The following SCP2 variants were observed in gnomAD, a reference collection of about 807,000 sequenced individuals.
The protein encoded by SCP2 is sterol carrier protein 2, also known as SCP-2/3-oxoacyl-CoA thiolase.
SCP2 carries 48 observed loss-of-function variants against 71.4 expected under a neutral mutation model. The ratio of observed to expected loss-of-function variants is 0.67; its 90% CI spans 0.53 to 0.86. The LOEUF (loss-of-function observed/expected upper bound fraction) is 0.86. SCP2 is among the 40% of genes least tolerant of loss of function. The pLI is 0.00. For synonymous variants in SCP2, 220 were observed against 218.1 expected, an observed-to-expected ratio of 1.01 and a Z score of -0.08; for missense variants, 560 against 655.6, an observed-to-expected ratio of 0.85 and a Z score of 1.59.
chr1:53,036,019 CAAAAAAAA>C (rs35164089), intron 13 of SCP2, among the ~76,000 whole-genome samples: 2 of 63,292 alleles, frequency 3.2e-5, no homozygotes, highest in African/African-American at 5.1e-5. Context: ...GACTCCGTCT[CAAAAAAAA>C]AAAAAAAAAA....
At chr1:52,966,256 A>G (rs1269344955) in intron 6 of SCP2, among the ~76,000 whole-genome samples, 1 of 151,708 alleles carries the variant, frequency 6.6e-6, no homozygotes, top group Non-Finnish European at 1.5e-5. Context: ...TATATCTATT[A>G]TATGTTGAAA....
intron 11 of SCP2, among the ~76,000 whole-genome samples, chr1:53,002,363 G>A (rs1183505116): frequency 4.6e-5 from 7 of 152,174 alleles, no homozygotes; most frequent in Admixed American, 3.9e-4. Flanking sequence ...AACGTGGCAT[G>A]GAGCAAAGGG....
intron 2 of SCP2, among the ~76,000 whole-genome samples, chr1:52,946,976 A>T (rs929815374): frequency 6.7e-6 from 1 of 149,184 alleles, no homozygotes; most frequent in Non-Finnish European, 1.5e-5. Context: ...CAGGAGAATC[A>T]CTTGAACCTG....
At position 53,005,616 on chromosome 1, in the gene SCP2, C is replaced by T. The variant is rs549402827; in HGVS notation, c.1082-9274C>T. On this transcript the variant is annotated intron_variant, in intron 11 of 15. Transcript: ENST00000371514. ...AAGGACATTCACACCAAAACCCCAT[C>T]TGTACGTCACCATCATCAAAGACCA... Among the ~76,000 whole-genome samples the T allele has an allele frequency of 2.0e-5, 3 of 152,308 alleles. No homozygotes were observed. The East Asian group carries it at 5.8e-4, about 29-fold the overall frequency.
In SCP2 at chr1:53,037,929, C is replaced by G. The variant is rs1331404181; in HGVS notation, c.1339-988C>G. On this transcript the variant is annotated intron_variant, in intron 13 of 15. Coordinates refer to ENST00000371514, the MANE Select transcript of SCP2 (RefSeq NM_002979.5). ...ACACACACACACACACACACACACA[C>G]AGATCCAGATCCTGTCTCTATACAC... 2.5e-5 allele frequency among the ~76,000 whole-genome samples: 3 copies of G among 120,860 alleles called. No homozygotes were observed. In the South Asian group the frequency reaches 9.0e-4, roughly 36 times the overall value. 79.3% of individuals were successfully genotyped at this position (120,860 alleles called of 152,430 possible).
chr1:52,970,767 A>G (rs981143730), intron 6 of SCP2, among the ~76,000 whole-genome samples: 3 of 151,126 alleles, frequency 2.0e-5, no homozygotes, highest in Non-Finnish European at 2.9e-5. Flanking sequence ...GTACCCTTAA[A>G]GGTTTGTGTA....
chr1:52,980,665 G>A, intron 10 of SCP2, 122 bp downstream of exon 10: 8 of 984,634 alleles, frequency 8.1e-6, no homozygotes, highest in Non-Finnish European at 1.1e-5. Flanking sequence ...CCACACTGTG[G>A]GAAATGAATG....
At chr1:52,939,175 C>T (rs1322448337) in intron 1 of SCP2, among the ~76,000 whole-genome samples, 1 of 152,068 alleles carries the variant, frequency 6.6e-6, no homozygotes, top group East Asian at 1.9e-4. Context: ...TTGGATGTGC[C>T]ACAGTTTATC....
rs535939289 is a variant in SCP2 at position 52,945,534 on chromosome 1, C to T, written c.128-2475C>T. 2.6e-5 allele frequency among the ~76,000 whole-genome samples: 4 copies of T among 152,166 alleles called. No individual in the cohort carries two copies. In the South Asian group the frequency reaches 8.3e-4, roughly 32 times the overall value. On this transcript the variant is annotated intron_variant, in intron 2 of 15. Coordinates refer to ENST00000371514, the MANE Select transcript of SCP2 (RefSeq NM_002979.5). ...CTGGCTAACACGGTGAAAACTCCATCTCTACTAAAAATACAAAAAGTTAGC... is the reference window on the plus strand; with the variant it reads ...CTGGCTAACACGGTGAAAACTCCATTTCTACTAAAAATACAAAAAGTTAGC...
chr1:52,982,760 T>C (rs1658650252), intron 10 of SCP2, among the ~76,000 whole-genome samples: 1 of 152,266 alleles, frequency 6.6e-6, no homozygotes. Context: ...ATAATTGTCA[T>C]ATGTGTTATA....
chr1:52,957,287 A>G (rs1655911119), intron 5 of SCP2, among the ~76,000 whole-genome samples: 1 of 152,206 alleles, frequency 6.6e-6, no homozygotes, highest in Non-Finnish European at 1.5e-5. Context: ...TTAAGTATCT[A>G]TATCTCCTGC....
At chr1:52,946,087 C>G (rs1162812460) in intron 2 of SCP2, among the ~76,000 whole-genome samples, 1 of 151,150 alleles carries the variant, frequency 6.6e-6, no homozygotes, top group Non-Finnish European at 1.5e-5. Flanking sequence ...CACCACCACG[C>G]CCCCCTAATT....
At chr1:53,006,638 A>C (rs932455536) in intron 11 of SCP2, among the ~76,000 whole-genome samples, 1 of 152,220 alleles carries the variant, frequency 6.6e-6, no homozygotes, top group African/African-American at 2.4e-5. Context: ...AGTACTAAAC[A>C]TGGAAAGGAA....
chr1:52,986,197 T>C (rs570283807), intron 10 of SCP2, among the ~76,000 whole-genome samples: 2 of 152,248 alleles, frequency 1.3e-5, no homozygotes, highest in Non-Finnish European at 2.9e-5. Flanking sequence ...AATCTCTGAA[T>C]ATTTTTAGTT....
intron 13 of SCP2, among the ~76,000 whole-genome samples, chr1:53,032,743 T>C (rs1469204880): frequency 6.6e-6 from 1 of 152,192 alleles, no homozygotes; most frequent in African/African-American, 2.4e-5. Flanking sequence ...CAGATGGATA[T>C]GTTAGTGTTA....
Position 52,941,833 on chromosome 1 carries a change from C to G in SCP2, c.107C>G (p.Pro36Arg). 1 of 1,607,402 alleles carries G rather than the reference C, an allele frequency of 6.2e-7. No individual in the cohort carries two copies. Among genetic ancestry groups the G allele is most frequent in the South Asian group, 1.1e-5 (1 of 90,954 alleles). Reference protein sequence around the residue: ...KPGAENSRDYPDLAEEAGKKA... With the variant: ...KPGAENSRDYRDLAEEAGKKA... ...GGAGCTGAGAATTCAAGAGACTACC[C>G]TGACTTGGCAGAAGAAGCAGGTAAC... is the stretch of plus-strand genomic sequence containing the variant. Residue 36 changes from proline to arginine, a missense_variant, in exon 2 of 16, where the codon CCT (proline) becomes CGT (arginine). Around this residue, in one of 3 missense-constraint regions of SCP2, gnomAD observed 513 missense variants for 573.1 expected, o/e 0.90. Coordinates refer to ENST00000371514, the MANE Select transcript of SCP2 (RefSeq NM_002979.5).
At chr1:52,931,002 G>A (rs559169177) in intron 1 of SCP2, among the ~76,000 whole-genome samples, 81 of 152,288 alleles carry the variant, frequency 5.3e-4, no homozygotes, top group Non-Finnish European at 1.0e-3. Flanking sequence ...GAATAAACAA[G>A]TAGTTTAAAT....
At chr1:52,950,108 TTTTATTTATTTA>T (rs35871937) in intron 3 of SCP2, among the ~76,000 whole-genome samples, 1 of 151,196 alleles carries the variant, frequency 6.6e-6, no homozygotes, top group African/African-American at 2.4e-5. Flanking sequence ...GGTTTAAAGA[TTTTATTTATTTA>T]TTTATTTATT....
chr1:52,946,977 C>G (rs1182733383), intron 2 of SCP2, among the ~76,000 whole-genome samples: 5 of 148,970 alleles, frequency 3.4e-5, no homozygotes, highest in Non-Finnish European at 7.4e-5. Context: ...AGGAGAATCA[C>G]TTGAACCTGG....
Sources: allele counts gnomAD v4.1 joint callset (sites outside exome capture counted in the v4.1 genomes callset), GRCh38; gene constraint gnomAD v4.1.1; regional missense constraint gnomAD v4.1.1; transcripts MANE v1.5; gene names NCBI Gene and HGNC (gene_info 2026-07-23, HGNC 2026-07-21).